LRRTM3: variants seen among roughly 807,000 people sequenced by gnomAD.
LRRTM3 encodes leucine rich repeat transmembrane neuronal 3.
Under a neutral mutation model 44.7 loss-of-function variants are expected in LRRTM3, and 24 were observed. That is an observed-to-expected ratio of 0.54 (90% CI 0.39 to 0.76). The LOEUF is 0.76. LRRTM3 is among the 30% of genes least tolerant of loss of function. LRRTM3 has a pLI of 0.00. For synonymous variants in LRRTM3, 277 were observed against 278.7 expected (o/e 0.99, Z 0.06); for missense variants, 587 against 702.2 (o/e 0.84, Z 1.85).
intron 2 of LRRTM3, among the ~76,000 whole-genome samples, chr10:66,996,766 G>C (rs998708395): frequency 1.3e-5 from 2 of 150,530 alleles, no homozygotes; most frequent in African/African-American, 4.9e-5. Context: ...AAATTTCTAA[G>C]GGTATGTGCA....
Position 66,928,030 on chromosome 10 carries a change from G to T in LRRTM3, c.1114G>T (p.Ala372Ser), listed in dbSNP as rs780867404. ...GKSTTERFDL[A>S]RALPKPTFKP... The stretch of plus-strand genomic sequence containing the variant: ...AAGTACTACAGAGAGGTTTGATCTG[G>T]CCAGGGCTCTCCCAAAGCCGACGTT... The change falls in exon 2 of 3, where the codon GCC (alanine) becomes TCC (serine). Residue 372 changes from alanine (A) to serine (S), a missense_variant. Ala to Ser is a moderately conservative substitution (Grantham distance 99). Around this residue, in one of 3 missense-constraint regions of LRRTM3, gnomAD observed 315 missense variants for 335.6 expected, o/e 0.94. Coordinates refer to ENST00000361320, the MANE Select transcript of LRRTM3 (RefSeq NM_178011.5). 9.3e-6 allele frequency: 15 copies of T among 1,613,952 alleles called. No homozygotes were observed. The African/African-American group carries it at 1.9e-4, about 20-fold the overall frequency.
At chr10:67,041,509 T>C (rs1854394067) in intron 2 of LRRTM3, among the ~76,000 whole-genome samples, 1 of 152,156 alleles carries the variant, frequency 6.6e-6, no homozygotes, top group African/African-American at 2.4e-5. Flanking sequence ...CAGTCCTCTT[T>C]TTCTCCTTTC....
chr10:67,059,164 G>A (rs1855611153), intron 2 of LRRTM3, among the ~76,000 whole-genome samples: 2 of 152,054 alleles, frequency 1.3e-5, no homozygotes, highest in Admixed American at 1.3e-4. Context: ...CTAGTAACAA[G>A]GTAACATAAC....
chr10:67,005,225 T>C (rs576467511), intron 2 of LRRTM3, among the ~76,000 whole-genome samples: 1 of 152,314 alleles, frequency 6.6e-6, no homozygotes, highest in African/African-American at 2.4e-5. Context: ...ACAATGGTGC[T>C]GTTCAATAGA....
At chr10:67,039,361 G>A (rs1438337780) in intron 2 of LRRTM3, among the ~76,000 whole-genome samples, 2 of 152,068 alleles carry the variant, frequency 1.3e-5, no homozygotes, top group East Asian at 3.8e-4. Context: ...TTTTTCTGGA[G>A]ACAAACATTT....
At chr10:67,031,266 A>C (rs1564843036) in intron 2 of LRRTM3, among the ~76,000 whole-genome samples, 1 of 152,178 alleles carries the variant, frequency 6.6e-6, no homozygotes, top group Non-Finnish European at 1.5e-5. Context: ...GTTCAACATC[A>C]AATGAGGTAG....
intron 2 of LRRTM3, among the ~76,000 whole-genome samples, chr10:66,970,131 C>T (rs1390262075): frequency 1.3e-5 from 2 of 152,112 alleles, no homozygotes; most frequent in Non-Finnish European, 2.9e-5. Context: ...ACAGCCACAT[C>T]TTTAAACCCA....
chr10:66,926,782 T>C, intron 1 of LRRTM3, 139 bp from the exon 2 acceptor site: 1 of 965,626 alleles, frequency 1.0e-6, no homozygotes. Flanking sequence ...TTCTCTTTAA[T>C]TACAAAGAGA....
chr10:66,980,194 C>T (rs942779), intron 2 of LRRTM3, among the ~76,000 whole-genome samples: 8 of 151,980 alleles, frequency 5.3e-5, no homozygotes, highest in African/African-American at 1.5e-4. Flanking sequence ...AACTGACCTA[C>T]GGCAGTCAAT....
At chr10:66,971,093 T>C (rs984810296) in intron 2 of LRRTM3, among the ~76,000 whole-genome samples, 1 of 152,148 alleles carries the variant, frequency 6.6e-6, no homozygotes, top group African/African-American at 2.4e-5. Context: ...TGTATCTATT[T>C]GGACTTTAAT....
chr10:67,079,181 T>G (rs1035051941), intron 2 of LRRTM3, among the ~76,000 whole-genome samples: 3 of 152,210 alleles, frequency 2.0e-5, no homozygotes, highest in Non-Finnish European at 2.9e-5. Flanking sequence ...CTGTATTTTT[T>G]GTGTGGGGAT....
intron 2 of LRRTM3, among the ~76,000 whole-genome samples, chr10:66,952,441 G>A (rs1449636308): frequency 3.9e-5 from 6 of 152,148 alleles, no homozygotes; most frequent in East Asian, 1.9e-4. Flanking sequence ...TTTAAGCTAC[G>A]AAGGGCCTTG....
chr10:67,090,935 C>T (rs1163231959), intron 2 of LRRTM3, among the ~76,000 whole-genome samples: 1 of 152,024 alleles, frequency 6.6e-6, no homozygotes, highest in Non-Finnish European at 1.5e-5. Flanking sequence ...TATATTTTAT[C>T]AACTGCCTTA....
At chr10:66,965,457 C>G (rs1421231105) in intron 2 of LRRTM3, among the ~76,000 whole-genome samples, 4 of 150,822 alleles carry the variant, frequency 2.7e-5, no homozygotes, top group African/African-American at 9.8e-5. Context: ...ATCGCTTGAA[C>G]TGGGGAGGCA....
intron 2 of LRRTM3, among the ~76,000 whole-genome samples, chr10:67,014,740 T>A (rs1852551155): frequency 6.6e-6 from 1 of 151,976 alleles, no homozygotes; most frequent in African/African-American, 2.4e-5. Context: ...TTCAGAAAGT[T>A]TCACTTTAAG....
At chr10:66,973,447 G>A (rs1203735266) in intron 2 of LRRTM3, among the ~76,000 whole-genome samples, 1 of 152,114 alleles carries the variant, frequency 6.6e-6, no homozygotes, top group Admixed American at 6.6e-5. Context: ...TGTAAGCTTA[G>A]AAGCATTAAT....
At chr10:66,959,726 G>A (rs933994985) in intron 2 of LRRTM3, among the ~76,000 whole-genome samples, 41 of 152,092 alleles carry the variant, frequency 2.7e-4, no homozygotes, top group African/African-American at 9.2e-4. Context: ...TCTTAAGCTC[G>A]TCCTAATTTC....
intron 2 of LRRTM3, among the ~76,000 whole-genome samples, chr10:67,065,688 G>A (rs1856031660): frequency 6.6e-6 from 1 of 151,976 alleles, no homozygotes; most frequent in Admixed American, 6.6e-5. Flanking sequence ...ATGAGCCACG[G>A]GAAGAGAACT....
intron 2 of LRRTM3, among the ~76,000 whole-genome samples, chr10:67,031,797 T>C (rs1853745856): frequency 6.6e-6 from 1 of 152,222 alleles, no homozygotes; most frequent in Admixed American, 6.5e-5. Flanking sequence ...AGTTCTGCAA[T>C]GTCACAAGAT....
Sources: allele counts gnomAD v4.1 joint callset (sites outside exome capture counted in the v4.1 genomes callset), GRCh38; gene constraint gnomAD v4.1.1; regional missense constraint gnomAD v4.1.1; transcripts MANE v1.5; gene names NCBI Gene and HGNC (gene_info 2026-07-23, HGNC 2026-07-21).